The following HDAC9 variants were observed in gnomAD, a reference collection of about 807,000 sequenced individuals.
HDAC9 encodes the protein MEF-2 interacting transcription repressor (MITR) protein.
HDAC9 carries 41 observed loss-of-function variants against 139.4 expected under a neutral mutation model. The observed-to-expected ratio is 0.29, with a 90% CI of 0.23 to 0.38. HDAC9 has a LOEUF of 0.38. HDAC9 is among the 10% of genes least tolerant of loss of function. HDAC9 has a pLI of 1.00. For synonymous variants in HDAC9, 517 were observed against 476.2 expected (o/e 1.09, Z -1.12); for missense variants, 1,147 against 1,297.0 (o/e 0.88, Z 1.78).
intron 1 of HDAC9, among the ~76,000 whole-genome samples, chr7:18,105,088 T>G (rs113565214): frequency 1.3e-5 from 2 of 150,430 alleles, no homozygotes; most frequent in African/African-American, 4.9e-5. Context: ...CTCATCTGCT[T>G]TCTAGATGAG....
intron 12 of HDAC9, among the ~76,000 whole-genome samples, chr7:18,725,082 T>C (rs974901254): frequency 2.0e-5 from 3 of 152,188 alleles, no homozygotes; most frequent in African/African-American, 7.2e-5. Context: ...GCATGAATGT[T>C]CATGGTCAAC....
chr7:18,667,573 T>C (rs887442132), intron 12 of HDAC9: 2 of 985,286 alleles, frequency 2.0e-6, no homozygotes, highest in East Asian at 1.1e-4. Flanking sequence ...GAAGACACTG[T>C]TTATTCAAGT....
intron 21 of HDAC9, among the ~76,000 whole-genome samples, chr7:18,872,813 T>TG (rs1799031558): frequency 6.6e-6 from 1 of 151,946 alleles, no homozygotes; most frequent in South Asian, 2.1e-4. Flanking sequence ...GGGGAAATAC[T>TG]GGGGGGAAAA....
intron 2 of HDAC9, among the ~76,000 whole-genome samples, chr7:18,547,178 G>A (rs1201228391): frequency 5.3e-5 from 8 of 152,196 alleles, no homozygotes; most frequent in Admixed American, 4.6e-4. Context: ...TTGCCTCAAT[G>A]TCGATGGCTG....
intron 2 of HDAC9, among the ~76,000 whole-genome samples, chr7:18,269,424 A>G (rs1182067272): frequency 2.6e-5 from 4 of 152,188 alleles, no homozygotes; most frequent in Admixed American, 6.5e-5. Context: ...AGAAAATCCT[A>G]AAGTCTAAAG....
At chr7:18,963,176 G>A (rs1783634594) in intron 24 of HDAC9, among the ~76,000 whole-genome samples, 2 of 152,118 alleles carry the variant, frequency 1.3e-5, no homozygotes, top group African/African-American at 4.8e-5. Flanking sequence ...AACATAAGCT[G>A]AAATTTAATA....
At chr7:18,745,640 G>A (rs1431040578) in intron 13 of HDAC9, among the ~76,000 whole-genome samples, 6 of 144,154 alleles carry the variant, frequency 4.2e-5, no homozygotes, top group East Asian at 2.0e-4. Flanking sequence ...TCCGCCTCCC[G>A]GGTTCACACC....
chr7:18,927,707 G>C (rs749050670), intron 22 of HDAC9, among the ~76,000 whole-genome samples: 20 of 152,298 alleles, frequency 1.3e-4, no homozygotes, highest in Admixed American at 1.0e-3. Context: ...TAATAAATGA[G>C]TAAATTGGTA....
intron 1 of HDAC9, among the ~76,000 whole-genome samples, chr7:18,122,998 G>A (rs1346238727): frequency 1.3e-5 from 2 of 152,076 alleles, no homozygotes; most frequent in African/African-American, 4.8e-5. Context: ...TCAAATTACT[G>A]CTTTAAATAT....
chr7:18,933,921 C>T (rs572724167), intron 22 of HDAC9, among the ~76,000 whole-genome samples: 44 of 152,092 alleles, frequency 2.9e-4, no homozygotes, highest in African/African-American at 1.1e-3. Context: ...TTAGAGATGT[C>T]TGAAGAGGGA....
At chr7:18,942,219 C>A (rs533350541) in intron 23 of HDAC9, among the ~76,000 whole-genome samples, 2 of 151,826 alleles carry the variant, frequency 1.3e-5, no homozygotes, top group Non-Finnish European at 1.5e-5. Flanking sequence ...CTACAGAGAT[C>A]GAGGAATATT....
intron 2 of HDAC9, among the ~76,000 whole-genome samples, chr7:18,563,197 G>A (rs940099675): frequency 6.6e-6 from 1 of 152,056 alleles, no homozygotes; most frequent in Admixed American, 6.5e-5. Flanking sequence ...ATTTCAAAAA[G>A]TTCAATGTGG....
chr7:18,733,683 A>G lies in HDAC9; in HGVS notation c.1909+5926A>G, dbSNP rs181819109. 9.7e-4 allele frequency among the ~76,000 whole-genome samples: 147 copies of G among 152,068 alleles called. 1 individual carries two copies. Among genetic ancestry groups the G allele is most frequent in the Non-Finnish European group, 1.4e-3 (92 of 67,950 alleles). Reference sequence around the variant, plus strand: ...TTATTTATGTGTATCTCATATGTATACATACATACACACACATATATATTT... The same window carrying G: ...TTATTTATGTGTATCTCATATGTATGCATACATACACACACATATATATTT... On this transcript the variant is annotated intron_variant, in intron 13 of 25. Coordinates refer to ENST00000686413, the MANE Select transcript of HDAC9 (RefSeq NM_178425.4).
At chr7:18,699,823 T>G (rs1182845494) in intron 12 of HDAC9, among the ~76,000 whole-genome samples, 1 of 152,232 alleles carries the variant, frequency 6.6e-6, no homozygotes, top group East Asian at 1.9e-4. Context: ...CTCCTCTAAT[T>G]CCATAAAATC....
At chr7:18,806,961 C>T (rs550731902) in intron 17 of HDAC9, among the ~76,000 whole-genome samples, 2 of 152,150 alleles carry the variant, frequency 1.3e-5, no homozygotes, top group African/African-American at 4.8e-5. Context: ...CAGAGTAATG[C>T]TTCCCTCATA....
At chr7:18,239,636 C>T (rs1395937913) in intron 2 of HDAC9, among the ~76,000 whole-genome samples, 3 of 152,046 alleles carry the variant, frequency 2.0e-5, no homozygotes, top group Non-Finnish European at 2.9e-5. Context: ...CTTTGATTTT[C>T]TTCAAAAACA....
intron 1 of HDAC9, among the ~76,000 whole-genome samples, chr7:18,343,528 A>C (rs1429107986): frequency 2.0e-5 from 3 of 151,838 alleles, no homozygotes; most frequent in Non-Finnish European, 2.9e-5. Flanking sequence ...GTCTCTACAG[A>C]ATATTGAGAA....
At chr7:18,633,472 AT>A (rs948291467) in intron 7 of HDAC9, among the ~76,000 whole-genome samples, 1 of 152,012 alleles carries the variant, frequency 6.6e-6, no homozygotes, top group Non-Finnish European at 1.5e-5. Context: ...TCCTTTTAGG[AT>A]TTTTTTAAGG....
At chr7:18,379,846 A>G (rs923773482) in intron 1 of HDAC9, among the ~76,000 whole-genome samples, 4 of 152,162 alleles carry the variant, frequency 2.6e-5, no homozygotes, top group Admixed American at 6.5e-5. Context: ...AAGGTATCTT[A>G]TTTCCACATA....
Sources: allele counts gnomAD v4.1 joint callset (sites outside exome capture counted in the v4.1 genomes callset), GRCh38; gene constraint gnomAD v4.1.1; transcripts MANE v1.5; gene names NCBI Gene and HGNC (gene_info 2026-07-23, HGNC 2026-07-21).